The following CALCR variants were observed in gnomAD, a reference collection of about 807,000 sequenced individuals.
The protein encoded by CALCR is calcitonin receptor.
Under a neutral mutation model 59.5 loss-of-function variants are expected in CALCR, and 47 were observed. The ratio of observed to expected loss-of-function variants is 0.79; its 90% CI spans 0.63 to 1.01. The LOEUF (loss-of-function observed/expected upper bound fraction) is 1.01, where lower values mean the gene tolerates loss of function less well. CALCR is among the 50% of genes least tolerant of loss of function. The pLI, the probability that CALCR is intolerant of heterozygous loss-of-function variation, is 0.00. For synonymous variants in CALCR, 213 were observed against 211.3 expected, an observed-to-expected ratio of 1.01 and a Z score of -0.07; for missense variants, 566 against 597.1, an observed-to-expected ratio of 0.95 and a Z score of 0.54.
intron 13 of CALCR, among the ~76,000 whole-genome samples, chr7:93,429,836 C>T (rs1005815950): frequency 7.2e-6 from 1 of 138,552 alleles, no homozygotes; most frequent in Admixed American, 7.5e-5. Flanking sequence ...CTGAGCTTGA[C>T]ATTTAAAAAT....
chr7:93,458,923 CTA>C (rs1470770259), intron 8 of CALCR, among the ~76,000 whole-genome samples: 1 of 152,104 alleles, frequency 6.6e-6, no homozygotes, highest in Non-Finnish European at 1.5e-5. Flanking sequence ...TATCATTAAA[CTA>C]TTTTGAATCA....
chr7:93,477,102 C>A (rs891283389), intron 5 of CALCR, among the ~76,000 whole-genome samples: 13 of 151,800 alleles, frequency 8.6e-5, no homozygotes, highest in African/African-American at 3.1e-4. Context: ...ATTCTAGAGC[C>A]ACTTAACCCC....
intron 2 of CALCR, among the ~76,000 whole-genome samples, chr7:93,573,651 AG>A (rs924934913): frequency 1.3e-4 from 20 of 152,378 alleles, no homozygotes; most frequent in African/African-American, 4.8e-4. Context: ...TTTTGAGAAA[AG>A]GAATTAATTT....
At chr7:93,566,132 C>G (rs1464421074) in intron 2 of CALCR, among the ~76,000 whole-genome samples, 1 of 152,066 alleles carries the variant, frequency 6.6e-6, no homozygotes, top group South Asian at 2.1e-4. Flanking sequence ...AGAGCTGACA[C>G]CAAACTAAAA....
At chr7:93,429,926 G>GTTTTTT (rs370223680) in intron 13 of CALCR, among the ~76,000 whole-genome samples, 13 of 101,424 alleles carry the variant, frequency 1.3e-4, no homozygotes, top group East Asian at 4.2e-4. Context: ...TTTTTTTTTT[G>GTTTTTT]TTTGTTTGTT....
intron 2 of CALCR, among the ~76,000 whole-genome samples, chr7:93,503,223 G>A (rs1026870237): frequency 2.0e-5 from 3 of 152,148 alleles, no homozygotes; most frequent in Admixed American, 6.5e-5. Context: ...AGCAACACTC[G>A]TCTGGAATAT....
intron 2 of CALCR, among the ~76,000 whole-genome samples, chr7:93,503,820 C>G (rs1801372611): frequency 1.3e-5 from 2 of 152,040 alleles, no homozygotes; most frequent in Non-Finnish European, 2.9e-5. Flanking sequence ...CAATAATCCC[C>G]AATAAGGAAC....
chr7:93,469,086 T>C (rs1800499077), intron 6 of CALCR, among the ~76,000 whole-genome samples: 1 of 151,808 alleles, frequency 6.6e-6, no homozygotes, highest in Non-Finnish European at 1.5e-5. Flanking sequence ...TTAAAAATTA[T>C]CATCCCTAAG....
chr7:93,476,846 G>A (rs1800676870), intron 5 of CALCR, among the ~76,000 whole-genome samples: 1 of 151,884 alleles, frequency 6.6e-6, no homozygotes, highest in Admixed American at 6.6e-5. Context: ...CTGATTTAGG[G>A]CACAGCACAA....
At chr7:93,560,877 A>T (rs1789730656) in intron 2 of CALCR, among the ~76,000 whole-genome samples, 1 of 152,186 alleles carries the variant, frequency 6.6e-6, no homozygotes, top group African/African-American at 2.4e-5. Context: ...TAACCCGATG[A>T]ACTACTTTAA....
intron 2 of CALCR, among the ~76,000 whole-genome samples, chr7:93,540,166 A>G (rs1789094372): frequency 6.6e-6 from 1 of 152,248 alleles, no homozygotes; most frequent in African/African-American, 2.4e-5. Context: ...TTAATTCAGC[A>G]GGACTTGAAA....
At chr7:93,527,356 T>C (rs1788684353) in intron 2 of CALCR, among the ~76,000 whole-genome samples, 1 of 151,466 alleles carries the variant, frequency 6.6e-6, no homozygotes, top group South Asian at 2.1e-4. Context: ...CTGAAAAGCA[T>C]AAATGTATAT....
At chr7:93,514,974 T>C (rs970684324) in intron 2 of CALCR, among the ~76,000 whole-genome samples, 1 of 151,990 alleles carries the variant, frequency 6.6e-6, no homozygotes, top group Non-Finnish European at 1.5e-5. Flanking sequence ...CTTAATTATA[T>C]TCCAAGGCCA....
chr7:93,476,374 T>C (rs1416464643), intron 5 of CALCR, among the ~76,000 whole-genome samples: 1 of 151,896 alleles, frequency 6.6e-6, no homozygotes, highest in African/African-American at 2.4e-5. Flanking sequence ...TTGTACATCA[T>C]TAAGATGTAA....
At chr7:93,554,966 GT>G (rs1176189265) in intron 2 of CALCR, among the ~76,000 whole-genome samples, 2 of 151,654 alleles carry the variant, frequency 1.3e-5, no homozygotes, top group Non-Finnish European at 2.9e-5. Context: ...AAATTAAATT[GT>G]TTTTTGTAGG....
intron 7 of CALCR, among the ~76,000 whole-genome samples, chr7:93,463,632 G>A (rs1486846640): frequency 6.6e-6 from 1 of 151,788 alleles, no homozygotes. Context: ...TTGCCTTCAG[G>A]GCCCTTATAT....
chr7:93,434,657 T>C (rs1359132683), intron 12 of CALCR, among the ~76,000 whole-genome samples: 1 of 151,792 alleles, frequency 6.6e-6, no homozygotes, highest in East Asian at 1.9e-4. Context: ...AGTAGAGGGA[T>C]CTTTTACAAG....
At chr7:93,503,421 CACACAT>C (rs1801363145) in intron 2 of CALCR, among the ~76,000 whole-genome samples, 1 of 152,006 alleles carries the variant, frequency 6.6e-6, no homozygotes, top group Non-Finnish European at 1.5e-5. Context: ...CACACACACA[CACACAT>C]ACACATACAC....
chr7:93,452,636 T>C (rs1800133508), intron 8 of CALCR, among the ~76,000 whole-genome samples: 1 of 151,914 alleles, frequency 6.6e-6, no homozygotes, highest in Admixed American at 6.6e-5. Context: ...TGAGTTTGAG[T>C]TTATGGAACT....
Sources: allele counts gnomAD v4.1 joint callset (sites outside exome capture counted in the v4.1 genomes callset), GRCh38; gene constraint gnomAD v4.1.1; transcripts MANE v1.5; gene names NCBI Gene and HGNC (gene_info 2026-07-23, HGNC 2026-07-21).